MLLT3: variants seen among roughly 807,000 people sequenced by gnomAD.
MLLT3 encodes protein AF-9.
MLLT3 carries 4 observed loss-of-function variants against 53.2 expected under a neutral mutation model. The observed-to-expected ratio is 0.08, with a 90% CI of 0.04 to 0.17. The LOEUF (loss-of-function observed/expected upper bound fraction) is 0.17, where lower values mean the gene tolerates loss of function less well. MLLT3 is among the 10% of genes least tolerant of loss of function. The pLI is 1.00. For missense variants in MLLT3, 569 were observed against 684.0 expected (o/e 0.83, Z 1.87); for synonymous variants, 283 against 230.6 (o/e 1.23, Z -2.06).
At chr9:20,396,109 G>A (rs1308093171) in intron 5 of MLLT3, among the ~76,000 whole-genome samples, 1 of 151,650 alleles carries the variant, frequency 6.6e-6, no homozygotes, top group Non-Finnish European at 1.5e-5. Flanking sequence ...CTCATGAACA[G>A]AAACTATCAA....
At chr9:20,548,853 C>A (rs546294058) in intron 2 of MLLT3, among the ~76,000 whole-genome samples, 5 of 151,164 alleles carry the variant, frequency 3.3e-5, no homozygotes, top group African/African-American at 1.2e-4. Context: ...CAGGGTCTCA[C>A]TGTGTCAGCC....
intron 2 of MLLT3, among the ~76,000 whole-genome samples, chr9:20,582,556 C>T (rs1021958349): frequency 6.6e-6 from 1 of 152,124 alleles, no homozygotes; most frequent in African/African-American, 2.4e-5. Flanking sequence ...TCCTGTTTCA[C>T]CCTGCTGATA....
intron 5 of MLLT3, among the ~76,000 whole-genome samples, chr9:20,372,188 T>A (rs1407379724): frequency 6.6e-6 from 1 of 152,198 alleles, no homozygotes; most frequent in Non-Finnish European, 1.5e-5. Flanking sequence ...TGGAATCTAC[T>A]CCTGGTGAAA....
Position 20,470,227 on chromosome 9 carries a change from G to A in MLLT3, c.194-13441C>T, listed in dbSNP as rs146556902. Among the ~76,000 whole-genome samples, 130 of 152,006 alleles carry A rather than the reference G, an allele frequency of 8.6e-4. 1 individual carries two copies. The East Asian group carries it at 0.023, about 27-fold the overall frequency. ...AATACAAACTTGGCTCTAGGAAAATGTGGAAAGTATAGAATAGTGCTAAAA... is the reference window on the plus strand; with the variant it reads ...AATACAAACTTGGCTCTAGGAAAATATGGAAAGTATAGAATAGTGCTAAAA... On this transcript the variant is annotated intron_variant, in intron 2 of 10. Transcript: ENST00000380338.
At chr9:20,601,117 CG>C (rs1820410899) in intron 2 of MLLT3, among the ~76,000 whole-genome samples, 2 of 146,936 alleles carry the variant, frequency 1.4e-5, no homozygotes, top group South Asian at 4.4e-4. Context: ...CATTTGACAA[CG>C]TCAAAACGTC....
intron 4 of MLLT3, 119 bp from the exon 5 acceptor site, chr9:20,414,544 A>C (rs1822825703): frequency 1.4e-6 from 2 of 1,457,730 alleles, no homozygotes; most frequent in Admixed American, 4.1e-5. Flanking sequence ...AAAATACCAA[A>C]AATATTTTAA....
chr9:20,422,971 A>G (rs562920782), intron 4 of MLLT3, among the ~76,000 whole-genome samples: 5 of 152,310 alleles, frequency 3.3e-5, no homozygotes, highest in South Asian at 4.2e-4. Context: ...GCCCCAATTT[A>G]TAAGTGAGGA....
At chr9:20,462,029 C>T (rs1824121955) in intron 2 of MLLT3, among the ~76,000 whole-genome samples, 1 of 152,150 alleles carries the variant, frequency 6.6e-6, no homozygotes, top group African/African-American at 2.4e-5. Context: ...CAAACAAGAT[C>T]CTGTTCAGCC....
chr9:20,543,592 T>C (rs1818700441), intron 2 of MLLT3, among the ~76,000 whole-genome samples: 1 of 151,642 alleles, frequency 6.6e-6, no homozygotes, highest in South Asian at 2.1e-4. Context: ...CAGCGGGCTA[T>C]GATCGTGCCG....
chr9:20,554,955 GAATTT>G (rs1819017368), intron 2 of MLLT3, among the ~76,000 whole-genome samples: 1 of 152,220 alleles, frequency 6.6e-6, no homozygotes. Flanking sequence ...GGTGGAAAGA[GAATTT>G]AAGTCTGTAA....
At chr9:20,532,878 G>C (rs566230183) in intron 2 of MLLT3, 37 of 264,466 alleles carry the variant, frequency 1.4e-4, no homozygotes, top group Middle Eastern at 1.3e-3. Flanking sequence ...GGCAAAGCAA[G>C]ACAAGAAGCA....
intron 2 of MLLT3, among the ~76,000 whole-genome samples, chr9:20,619,633 C>G (rs1305062163): frequency 6.6e-6 from 1 of 152,190 alleles, no homozygotes; most frequent in African/African-American, 2.4e-5. Context: ...AAACAAAGCA[C>G]CTTATTGTAT....
chr9:20,602,135 T>C (rs953008287), intron 2 of MLLT3, among the ~76,000 whole-genome samples: 1 of 152,194 alleles, frequency 6.6e-6, no homozygotes, highest in Admixed American at 6.6e-5. Context: ...ACAAGTATTT[T>C]AAATTATTTT....
intron 8 of MLLT3, among the ~76,000 whole-genome samples, chr9:20,355,113 A>AAAC (rs1188341406): frequency 1.3e-5 from 2 of 151,754 alleles, no homozygotes; most frequent in African/African-American, 4.8e-5. Flanking sequence ...AAAAAAAAAA[A>AAAC]AAAACAACAC....
At chr9:20,562,329 A>C (rs1819237832) in intron 2 of MLLT3, among the ~76,000 whole-genome samples, 1 of 152,010 alleles carries the variant, frequency 6.6e-6, no homozygotes, top group Non-Finnish European at 1.5e-5. Flanking sequence ...CACTCCCACC[A>C]CTACCTCTAC....
At chr9:20,618,216 T>C (rs550460076) in intron 2 of MLLT3, among the ~76,000 whole-genome samples, 34 of 152,368 alleles carry the variant, frequency 2.2e-4, no homozygotes, top group Admixed American at 9.8e-4. Context: ...GGTAGAATTT[T>C]ACTCTATCAC....
intron 2 of MLLT3, among the ~76,000 whole-genome samples, chr9:20,594,299 C>A (rs550648024): frequency 6.6e-6 from 1 of 152,054 alleles, no homozygotes; most frequent in African/African-American, 2.4e-5. Context: ...CGTTGGAACT[C>A]AAGAGTTATG....
chr9:20,480,982 C>T (rs769730107), intron 2 of MLLT3, among the ~76,000 whole-genome samples: 25 of 152,108 alleles, frequency 1.6e-4, no homozygotes, highest in African/African-American at 4.6e-4. Flanking sequence ...AAAGTAATGG[C>T]GAAGCACGCA....
chr9:20,562,399 C>A (rs1005951715), intron 2 of MLLT3, among the ~76,000 whole-genome samples: 31 of 152,196 alleles, frequency 2.0e-4, no homozygotes, highest in African/African-American at 7.0e-4. Flanking sequence ...ATTTACACTT[C>A]TAGCTTTGCA....
Sources: gnomAD v4.1 joint callset for allele counts (sites outside exome capture counted in the v4.1 genomes callset) on GRCh38, gnomAD v4.1.1 for gene constraint, MANE v1.5 for transcripts, NCBI Gene and HGNC (gene_info 2026-07-23, HGNC 2026-07-21) for gene names.